Variants in PLCH1 observed in about 807,000 individuals in gnomAD.
PLCH1 encodes 1-phosphatidylinositol 4,5-bisphosphate phosphodiesterase eta-1.
A neutral mutation model predicts 126.7 loss-of-function variants in PLCH1; 60 were observed. That is an observed-to-expected ratio of 0.47 (90% CI 0.38 to 0.59). The LOEUF (loss-of-function observed/expected upper bound fraction) is 0.59. PLCH1 is among the 20% of genes least tolerant of loss of function. PLCH1 has a pLI of 0.00. For synonymous variants in PLCH1, 719 were observed against 734.9 expected (o/e 0.98, Z 0.35); for missense variants, 1,723 against 2,040.0 (o/e 0.84, Z 2.99).
intron 2 of PLCH1, among the ~76,000 whole-genome samples, chr3:155,644,253 G>T (rs939628648): frequency 2.7e-5 from 4 of 150,450 alleles, no homozygotes; most frequent in African/African-American, 9.7e-5. Flanking sequence ...GGAGCTCAGA[G>T]CTATTTAATC....
rs143133574 is a variant in PLCH1, at chr3:155,668,117, C to G, written c.79+36029G>C. Among the ~76,000 whole-genome samples, 668 of 145,986 alleles carry G rather than the reference C, an allele frequency of 4.6e-3. 20 individuals are homozygous for G. Among genetic ancestry groups the G allele is most frequent in the East Asian group, 0.032 (161 of 4,958 alleles). The stretch of plus-strand genomic sequence containing the variant: ...AAAAAAAAAAAAAAAAGAGTCACAT[C>G]ACCCAGCAAATACAAAGAGAATGCT... On this transcript the variant is annotated intron_variant, in intron 2 of 22. Coordinates refer to ENST00000460012, the MANE Select transcript of PLCH1 (RefSeq NM_014996.4).
intron 21 of PLCH1, among the ~76,000 whole-genome samples, chr3:155,472,678 A>C (rs1713324141): frequency 2.0e-5 from 3 of 151,554 alleles, no homozygotes; most frequent in Admixed American, 2.0e-4. Flanking sequence ...AAAAATCCTC[A>C]ATAAAATACT....
At chr3:155,701,048 A>T (rs545973588) in intron 2 of PLCH1, among the ~76,000 whole-genome samples, 1 of 152,350 alleles carries the variant, frequency 6.6e-6, no homozygotes, top group East Asian at 1.9e-4. Context: ...CATCATTCCT[A>T]ACAAGGTTTC....
chr3:155,458,496 A>AAGAAAGAAAGAG (rs1712568025), intron 21 of PLCH1, among the ~76,000 whole-genome samples: 2 of 88,270 alleles, frequency 2.3e-5, no homozygotes, highest in South Asian at 3.4e-4. Flanking sequence ...GAAAGAAAGA[A>AAGAAAGAAAGAG]AGAGAAAGAA....
chr3:155,481,094 G>T lies in PLCH1; in HGVS notation c.4932C>A (p.Ile1644=). 1.9e-6 allele frequency: 3 copies of T among 1,614,180 alleles called. No individual in the cohort carries two copies. Among genetic ancestry groups the T allele is most frequent in the Non-Finnish European group, 2.5e-6 (3 of 1,180,012 alleles). ...TKGGGLEGRG[I]PEGACTALHY... ...GAAGAGCCGTGCATGCCCCCTCTGGGATGCCCCGGCCTTCAAGGCCACCCC... is the reference window on the plus strand; with the variant it reads ...GAAGAGCCGTGCATGCCCCCTCTGGTATGCCCCGGCCTTCAAGGCCACCCC... The change falls in exon 23 of 23, where the codon ATC becomes ATA. Residue 1644 remains isoleucine, a synonymous_variant. Transcript: ENST00000460012. The surrounding 1 kb of genome is among the most constrained non-coding windows in gnomAD (Gnocchi z 4.2).
At chr3:155,526,853 G>GT (rs1318577042) in intron 10 of PLCH1, among the ~76,000 whole-genome samples, 10 of 152,188 alleles carry the variant, frequency 6.6e-5, no homozygotes, top group Non-Finnish European at 1.2e-4. Flanking sequence ...GATACCTAAC[G>GT]TAAGCACCAA....
At chr3:155,580,488 T>A (rs1392587367) in intron 6 of PLCH1, among the ~76,000 whole-genome samples, 1 of 152,184 alleles carries the variant, frequency 6.6e-6, no homozygotes, top group Non-Finnish European at 1.5e-5. Flanking sequence ...CAGCATTTAC[T>A]AGCTCAAATT....
At chr3:155,452,247 A>C (rs1712327893) in intron 21 of PLCH1, among the ~76,000 whole-genome samples, 1 of 152,206 alleles carries the variant, frequency 6.6e-6, no homozygotes, top group Non-Finnish European at 1.5e-5. Context: ...AAAATCCTTG[A>C]TAAAACCATC....
intron 2 of PLCH1, among the ~76,000 whole-genome samples, chr3:155,670,991 A>G (rs1193487345): frequency 6.6e-6 from 1 of 152,206 alleles, no homozygotes; most frequent in African/African-American, 2.4e-5. Flanking sequence ...AGGAGATGTT[A>G]AATGGAGATG....
intron 8 of PLCH1, among the ~76,000 whole-genome samples, chr3:155,564,101 C>T (rs1384790634): frequency 6.6e-6 from 1 of 151,958 alleles, no homozygotes; most frequent in African/African-American, 2.4e-5. Context: ...GTGTACAATA[C>T]CATGCCTGGT....
chr3:155,546,796 C>T (rs891377903), intron 10 of PLCH1, among the ~76,000 whole-genome samples: 4 of 149,486 alleles, frequency 2.7e-5, no homozygotes, highest in East Asian at 1.9e-4. Context: ...GGAAAGGATT[C>T]CCTATTTAAT....
intron 2 of PLCH1, among the ~76,000 whole-genome samples, chr3:155,675,416 C>T (rs549567334): frequency 6.6e-6 from 1 of 152,294 alleles, no homozygotes; most frequent in African/African-American, 2.4e-5. Flanking sequence ...TTTTCTCATG[C>T]TCCTGGAGCT....
intron 2 of PLCH1, among the ~76,000 whole-genome samples, chr3:155,692,794 T>C (rs1745496739): frequency 6.6e-6 from 1 of 151,890 alleles, no homozygotes; most frequent in Non-Finnish European, 1.5e-5. Flanking sequence ...TCTCGCTCTG[T>C]CGCCCAGGCT....
At chr3:155,458,437 GGAAGGAAGGAAGGAAGGAAAGAAAGAAA>G (rs1457669556) in intron 21 of PLCH1, among the ~76,000 whole-genome samples, 57 of 73,652 alleles carry the variant, frequency 7.7e-4, no homozygotes, top group Non-Finnish European at 1.8e-4. Flanking sequence ...AAGGAAGGAA[GGAAGGAAGGAAGGAAGGAAAGAAAGAAA>G]GAAAGAAAGA....
chr3:155,584,533 T>C (rs1183951743), intron 5 of PLCH1, among the ~76,000 whole-genome samples: 1 of 152,236 alleles, frequency 6.6e-6, no homozygotes, highest in Non-Finnish European at 1.5e-5. Flanking sequence ...GGCTGAATTA[T>C]TCATAAAACC....
At chr3:155,605,466 T>C (rs764271068) in intron 2 of PLCH1, among the ~76,000 whole-genome samples, 1 of 152,222 alleles carries the variant, frequency 6.6e-6, no homozygotes, top group East Asian at 1.9e-4. Flanking sequence ...TAGAACTAAG[T>C]ACACTATTAA....
At chr3:155,502,179 T>C (rs958261465) in intron 13 of PLCH1, among the ~76,000 whole-genome samples, 3 of 152,222 alleles carry the variant, frequency 2.0e-5, no homozygotes, top group Non-Finnish European at 4.4e-5. Context: ...GATGATCTCA[T>C]GTTCCGTCTT....
chr3:155,574,424 T>C (rs1319299382), intron 6 of PLCH1, among the ~76,000 whole-genome samples: 1 of 152,214 alleles, frequency 6.6e-6, no homozygotes, highest in African/African-American at 2.4e-5. Flanking sequence ...CCTGGGCAAA[T>C]GGAGTTGCTT....
intron 2 of PLCH1, among the ~76,000 whole-genome samples, chr3:155,684,785 A>ATATCTCATGGATTTATTTTCTCCAC (rs1744807224): frequency 1.3e-5 from 2 of 152,170 alleles, no homozygotes; most frequent in Admixed American, 6.5e-5. Flanking sequence ...ATGAAAAATC[A>ATATCTCATGGATTTATTTTCTCCAC]ACTCCTTTGT....
Sources: allele counts gnomAD v4.1 joint callset (sites outside exome capture counted in the v4.1 genomes callset), GRCh38; gene constraint gnomAD v4.1.1; non-coding constraint Gnocchi (gnomAD v3.1); transcripts MANE v1.5; gene names NCBI Gene and HGNC (gene_info 2026-07-23, HGNC 2026-07-21).